The following CLNK variants were observed in gnomAD, a reference collection of about 807,000 sequenced individuals.
The protein encoded by CLNK is cytokine dependent hematopoietic cell linker.
Under a neutral mutation model 68.6 loss-of-function variants are expected in CLNK, and 74 were observed. That is an observed-to-expected ratio of 1.08 (90% CI 0.89 to 1.31). CLNK has a LOEUF of 1.31. CLNK is among the 50% of genes most tolerant of loss of function. The pLI, the probability that CLNK is intolerant of heterozygous loss-of-function variation, is 0.00. For missense variants in CLNK, 553 were observed against 515.3 expected, an observed-to-expected ratio of 1.07 and a Z score of -0.71; for synonymous variants, 198 against 172.2, an observed-to-expected ratio of 1.15 and a Z score of -1.17.
chr4:10,522,078 G>A (rs1051306467), intron 14 of CLNK, among the ~76,000 whole-genome samples: 1 of 151,932 alleles, frequency 6.6e-6, no homozygotes, highest in Admixed American at 6.6e-5. Flanking sequence ...CTAACACGGT[G>A]AAATCCCGTC....
chr4:10,590,727 A>T (rs1386511434), intron 3 of CLNK, among the ~76,000 whole-genome samples: 1 of 152,214 alleles, frequency 6.6e-6, no homozygotes, highest in Non-Finnish European at 1.5e-5. Context: ...CTCATTTTAA[A>T]TATAATCTAG....
intron 2 of CLNK, among the ~76,000 whole-genome samples, chr4:10,657,939 A>G (rs2108886802): frequency 6.6e-6 from 1 of 152,316 alleles, no homozygotes; most frequent in East Asian, 1.9e-4. Flanking sequence ...ATCAGTCTTA[A>G]TGTTATTCTT....
chr4:10,675,721 C>G (rs1043342609), intron 1 of CLNK, among the ~76,000 whole-genome samples: 2 of 152,082 alleles, frequency 1.3e-5, no homozygotes, highest in East Asian at 1.9e-4. Context: ...AAATGTCATT[C>G]TAATAATATC....
intron 4 of CLNK, among the ~76,000 whole-genome samples, chr4:10,583,643 C>T (rs556347273): frequency 1.1e-4 from 17 of 152,238 alleles, no homozygotes; most frequent in African/African-American, 3.1e-4. Flanking sequence ...TGTTTCTTTC[C>T]GGTAAGGTGT....
the CLNK span, among the ~76,000 whole-genome samples, chr4:10,699,513 T>TATATATATATATATATA: frequency 1.1e-4 from 7 of 62,060 alleles, no homozygotes; most frequent in African/African-American, 5.7e-4. Flanking sequence ...TATATATATA[T>TATATATATATATATATA]TTTTTTTTTT....
At chr4:10,696,981 C>G in the CLNK span, 1 of 152,106 alleles carries the variant, frequency 6.6e-6, no homozygotes, top group South Asian at 2.1e-4. Flanking sequence ...CCTGGTGATT[C>G]TTATGCACAT....
intron 4 of CLNK, among the ~76,000 whole-genome samples, chr4:10,579,920 A>G (rs1355464660): frequency 6.6e-6 from 1 of 152,180 alleles, no homozygotes; most frequent in African/African-American, 2.4e-5. Context: ...CCTAAACCCT[A>G]TGCAAATCAG....
chr4:10,585,549 C>A (rs554921372), intron 3 of CLNK, among the ~76,000 whole-genome samples: 1 of 152,216 alleles, frequency 6.6e-6, no homozygotes, highest in Non-Finnish European at 1.5e-5. Context: ...GTGGCTGCAC[C>A]GGAGTCTCAG....
chr4:10,690,324 C>T, the CLNK span, among the ~76,000 whole-genome samples: 4 of 152,140 alleles, frequency 2.6e-5, no homozygotes, highest in South Asian at 2.1e-4. Flanking sequence ...AGAGCTCATC[C>T]GGCAGAGGCA....
intron 11 of CLNK, among the ~76,000 whole-genome samples, chr4:10,537,246 G>T (rs551032509): frequency 6.6e-6 from 1 of 152,338 alleles, no homozygotes; most frequent in East Asian, 1.9e-4. Context: ...GGGAGGCCAA[G>T]GCGGGTGGAT....
Position 10,623,241 on chromosome 4 carries a change from C to T in CLNK, c.12-25192G>A, listed in dbSNP as rs565425659. Among the ~76,000 whole-genome samples, 402 of 152,268 alleles carry T rather than the reference C, an allele frequency of 2.6e-3. 7 individuals carry two copies. The highest frequency in any genetic ancestry group is 7.5e-3 in the South Asian group (36 of 4,822). On this transcript the variant is annotated intron_variant, in intron 2 of 18. Coordinates refer to ENST00000226951, the MANE Select transcript of CLNK (RefSeq NM_052964.4). ...TTAACAAATCCCTCTCTAGGTTTTT[C>T]GAGATGGATACCTGTGTTGGAGAGG... is the stretch of plus-strand genomic sequence containing the variant.
the CLNK span, among the ~76,000 whole-genome samples, chr4:10,726,700 A>G: frequency 0.43 from 65,643 of 151,938 alleles, 15,017 homozygotes; most frequent in East Asian, 0.69. Flanking sequence ...CAATTATATA[A>G]TTGCAAGAAC....
At chr4:10,560,953 G>A (rs1719863483) in intron 7 of CLNK, among the ~76,000 whole-genome samples, 1 of 151,714 alleles carries the variant, frequency 6.6e-6, no homozygotes, top group Non-Finnish European at 1.5e-5. Context: ...CTAGAGTGAA[G>A]TGGCATGATC....
chr4:10,495,513 T>C (rs370848616), intron 18 of CLNK, among the ~76,000 whole-genome samples: 4 of 152,188 alleles, frequency 2.6e-5, no homozygotes, highest in African/African-American at 9.7e-5. Context: ...AGGCTTACAA[T>C]TAATGCTTGG....
chr4:10,705,989 G>C, the CLNK span, among the ~76,000 whole-genome samples: 1 of 152,338 alleles, frequency 6.6e-6, no homozygotes, highest in Admixed American at 6.5e-5. Context: ...TGACTCAAAG[G>C]TCTTCTGTTT....
At chr4:10,661,236 TATC>T (rs2108888845) in intron 2 of CLNK, among the ~76,000 whole-genome samples, 1 of 152,258 alleles carries the variant, frequency 6.6e-6, no homozygotes, top group Admixed American at 6.5e-5. Context: ...ACGAGAGAAA[TATC>T]ATCTATTGGG....
chr4:10,691,582 G>C, the CLNK span, among the ~76,000 whole-genome samples: 2 of 151,526 alleles, frequency 1.3e-5, no homozygotes, highest in East Asian at 3.9e-4. Context: ...AATCTGGCTG[G>C]GAGTGTGACA....
At chr4:10,550,864 C>T (rs916812939) in intron 8 of CLNK, among the ~76,000 whole-genome samples, 1 of 152,192 alleles carries the variant, frequency 6.6e-6, no homozygotes, top group African/African-American at 2.4e-5. Flanking sequence ...CTGTCAGCAT[C>T]ACTGCTCTTG....
intron 17 of CLNK, among the ~76,000 whole-genome samples, chr4:10,505,866 G>A (rs11734599): frequency 2.6e-5 from 4 of 152,030 alleles, no homozygotes; most frequent in Admixed American, 2.0e-4. Context: ...AACATCTTTG[G>A]GGGGGCATGA....
Sources: allele counts gnomAD v4.1 joint callset (sites outside exome capture counted in the v4.1 genomes callset), GRCh38; gene constraint gnomAD v4.1.1; transcripts MANE v1.5; gene names NCBI Gene and HGNC (gene_info 2026-07-23, HGNC 2026-07-21).